MEIS2: variants seen among roughly 807,000 people sequenced by gnomAD.
The protein encoded by MEIS2 is homeobox protein Meis2.
A neutral mutation model predicts 58.6 loss-of-function variants in MEIS2; 9 were observed. That is an observed-to-expected ratio of 0.15 (90% CI 0.09 to 0.27). MEIS2 has a LOEUF of 0.27. Among genes scored for constraint, MEIS2 ranks in the 10% least tolerant of loss-of-function variants. The pLI is 1.00. For missense variants in MEIS2, 427 were observed against 635.0 expected, an observed-to-expected ratio of 0.67 and a Z score of 3.52; for synonymous variants, 221 against 228.4, an observed-to-expected ratio of 0.97 and a Z score of 0.29.
intron 7 of MEIS2, among the ~76,000 whole-genome samples, chr15:37,040,679 A>G (rs1460518176): frequency 2.0e-5 from 3 of 152,210 alleles, no homozygotes; most frequent in Non-Finnish European, 4.4e-5. Flanking sequence ...GGCATAGTCT[A>G]AGTTTTGGGT....
At chr15:36,963,366 C>A (rs562804104) in intron 8 of MEIS2, among the ~76,000 whole-genome samples, 1 of 143,124 alleles carries the variant, frequency 7.0e-6, no homozygotes, top group African/African-American at 2.6e-5. Context: ...GGTGACAGTG[C>A]GAGACTCCAT....
At chr15:37,071,822 G>A (rs1890747354) in intron 7 of MEIS2, among the ~76,000 whole-genome samples, 1 of 151,986 alleles carries the variant, frequency 6.6e-6, no homozygotes, top group Non-Finnish European at 1.5e-5. Flanking sequence ...AGTGCTCTAT[G>A]CCCCAAAAAG....
At chr15:36,899,364 G>A (rs902526977) in intron 9 of MEIS2, among the ~76,000 whole-genome samples, 3 of 151,964 alleles carry the variant, frequency 2.0e-5, no homozygotes, top group Non-Finnish European at 2.9e-5. Flanking sequence ...TGAAATTACC[G>A]CCTCCTACCA....
chr15:36,976,386 T>C (rs1207248388), intron 8 of MEIS2, among the ~76,000 whole-genome samples: 1 of 151,710 alleles, frequency 6.6e-6, no homozygotes, highest in African/African-American at 2.4e-5. Flanking sequence ...GCCTGGCCTA[T>C]AAAGAGATTT....
intron 9 of MEIS2, among the ~76,000 whole-genome samples, chr15:36,931,109 C>T (rs536150727): frequency 3.9e-5 from 6 of 152,224 alleles, no homozygotes; most frequent in African/African-American, 1.2e-4. Context: ...GATAGATTCC[C>T]TGACTTCATT....
intron 7 of MEIS2, among the ~76,000 whole-genome samples, chr15:37,051,434 C>T (rs1367869233): frequency 4.6e-5 from 7 of 152,056 alleles, no homozygotes; most frequent in Non-Finnish European, 1.0e-4. Context: ...TGACCAAAAG[C>T]AGATCAGTGG....
intron 5 of MEIS2, chr15:37,094,162 C>T (rs1893898566): frequency 3.5e-6 from 1 of 284,108 alleles, no homozygotes; most frequent in Non-Finnish European, 6.6e-6. Context: ...TGTAAAGACA[C>T]CCAGCAAGGA....
chr15:37,068,070 C>T (rs188837617), intron 7 of MEIS2, among the ~76,000 whole-genome samples: 2 of 152,238 alleles, frequency 1.3e-5, no homozygotes, highest in East Asian at 1.9e-4. Context: ...TTCTATGAGA[C>T]AGGCATGGTT....
At chr15:37,041,700 C>G (rs560547815) in intron 7 of MEIS2, among the ~76,000 whole-genome samples, 7 of 152,180 alleles carry the variant, frequency 4.6e-5, no homozygotes, top group African/African-American at 1.4e-4. Flanking sequence ...ATGAGAGGAT[C>G]CTCAGATGAT....
intron 7 of MEIS2, among the ~76,000 whole-genome samples, chr15:37,079,672 T>C (rs1891933453): frequency 6.6e-6 from 1 of 152,184 alleles, no homozygotes; most frequent in African/African-American, 2.4e-5. Flanking sequence ...TTCAACACCA[T>C]GATTGCTAAA....
intron 9 of MEIS2, among the ~76,000 whole-genome samples, chr15:36,934,084 G>A (rs533199058): frequency 1.3e-5 from 2 of 152,240 alleles, no homozygotes; most frequent in South Asian, 4.1e-4. Context: ...TATTGGTAAC[G>A]AATATTGAAA....
chr15:37,009,539 A>C (rs2061056149), intron 8 of MEIS2, among the ~76,000 whole-genome samples: 1 of 152,210 alleles, frequency 6.6e-6, no homozygotes, highest in South Asian at 2.1e-4. Context: ...CTGGAGAAAC[A>C]TTTACACAAA....
chr15:37,042,856 C>T (rs16964586), intron 7 of MEIS2, among the ~76,000 whole-genome samples: 22,847 of 152,144 alleles, frequency 0.15, 1,755 homozygotes, highest in South Asian at 0.21. Context: ...TGGAGAGCAC[C>T]GGACTGACCC....
intron 4 of MEIS2, among the ~76,000 whole-genome samples, chr15:37,095,235 C>G (rs1446845387): frequency 7.2e-6 from 1 of 139,266 alleles, no homozygotes; most frequent in Non-Finnish European, 1.5e-5. Flanking sequence ...CCGCCCGGGG[C>G]TCGGCCGCCT....
chr15:36,966,308 A>G (rs2059355187), intron 8 of MEIS2, among the ~76,000 whole-genome samples: 1 of 152,200 alleles, frequency 6.6e-6, no homozygotes, highest in Non-Finnish European at 1.5e-5. Context: ...AGAAATATTT[A>G]TCATGTTTTC....
chr15:37,057,778 T>C (rs1176134009), intron 7 of MEIS2, among the ~76,000 whole-genome samples: 1 of 152,172 alleles, frequency 6.6e-6, no homozygotes, highest in East Asian at 1.9e-4. Context: ...TACTTTGTTT[T>C]CACAGAGAAC....
intron 9 of MEIS2, among the ~76,000 whole-genome samples, chr15:36,949,385 CT>C (rs1402846226): frequency 6.6e-6 from 1 of 151,974 alleles, no homozygotes; most frequent in African/African-American, 2.4e-5. Context: ...GTCTGCCTGC[CT>C]GTATCCCACA....
intron 7 of MEIS2, among the ~76,000 whole-genome samples, chr15:37,075,333 T>C (rs891682038): frequency 5.9e-5 from 9 of 151,968 alleles, no homozygotes; most frequent in African/African-American, 2.2e-4. Context: ...AATAGAAACC[T>C]AAAATTTAAG....
intron 7 of MEIS2, among the ~76,000 whole-genome samples, chr15:37,069,908 A>G (rs1003514447): frequency 3.9e-5 from 6 of 152,166 alleles, no homozygotes; most frequent in Non-Finnish European, 7.4e-5. Flanking sequence ...TGCAGCAAGC[A>G]GAACCAAGCC....
Sources: gnomAD v4.1 joint callset for allele counts (sites outside exome capture counted in the v4.1 genomes callset) on GRCh38, gnomAD v4.1.1 for gene constraint, MANE v1.5 for transcripts, NCBI Gene and HGNC (gene_info 2026-07-23, HGNC 2026-07-21) for gene names.